STAT3: variants seen among roughly 807,000 people sequenced by gnomAD.
STAT3 encodes DNA-binding protein APRF.
In STAT3, 7 loss-of-function variants were observed where a neutral mutation model predicts 114.3. The ratio of observed to expected loss-of-function variants is 0.06; its 90% confidence interval spans 0.03 to 0.11. The LOEUF is 0.11. Ranked by LOEUF, STAT3 falls within the 10% of genes least tolerant of loss-of-function variation. STAT3 has a pLI of 1.00. For missense variants in STAT3, 364 were observed against 960.9 expected (o/e 0.38, Z 8.21); for synonymous variants, 331 against 354.5 (o/e 0.93, Z 0.74).
At position 42,344,988 on chromosome 17, in the gene STAT3, G is replaced by A. The variant is rs576116020; in HGVS notation, c.372+571C>T. On this transcript the variant is annotated intron_variant, in intron 4 of 23. Transcript: ENST00000264657. Reference sequence around the variant, plus strand: ...CTATGAAAGTTTGTCAGAACAGGCCGGGCACAGTGGCTCACGCCTGTAATC... The same window carrying A: ...CTATGAAAGTTTGTCAGAACAGGCCAGGCACAGTGGCTCACGCCTGTAATC... Among the ~76,000 whole-genome samples, 23 of 151,936 alleles carry A rather than the reference G, an allele frequency of 1.5e-4. 1 individual carries two copies. The highest frequency in any genetic ancestry group is 2.1e-4 in the South Asian group (1 of 4,798).
At chr17:42,353,735 G>T (rs531948519) in intron 1 of STAT3, among the ~76,000 whole-genome samples, 34 of 152,240 alleles carry the variant, frequency 2.2e-4, no homozygotes, top group South Asian at 4.1e-4. Flanking sequence ...ACAATGTTCA[G>T]CTAATTTTTT....
chr17:42,370,246 C>A lies in STAT3; in HGVS notation c.-24+18033G>T, dbSNP rs1399735856. On this transcript the variant is annotated intron_variant, in intron 1 of 23. Coordinates refer to ENST00000264657, the MANE Select transcript of STAT3 (RefSeq NM_139276.3). ...GGATTATAGGCATGAGCCACCACAC[C>A]CAGCCTTTTTTTTTTTTGAGACAGA... Among the ~76,000 whole-genome samples, 5 of 150,490 alleles carry A rather than the reference C, an allele frequency of 3.3e-5. No individual in the cohort carries two copies. The East Asian group carries it at 9.8e-4, about 29-fold the overall frequency.
chr17:42,340,500 C>T (rs2082399776), intron 4 of STAT3, among the ~76,000 whole-genome samples: 1 of 150,234 alleles, frequency 6.7e-6, no homozygotes. Context: ...GAGACCTCAT[C>T]TCAACCAAAA....
chr17:42,327,600 G>T (rs2081786417), intron 14 of STAT3, among the ~76,000 whole-genome samples: 1 of 152,162 alleles, frequency 6.6e-6, no homozygotes, highest in African/African-American at 2.4e-5. Context: ...TATATGCAAA[G>T]ATTTCTCTGC....
rs2081209468 is a variant in STAT3 at position 42,315,387 on chromosome 17, C to CT, written c.*357dup. On this transcript the variant is annotated 3_prime_UTR_variant, in exon 24 of 24. Coordinates refer to ENST00000264657, the MANE Select transcript of STAT3 (RefSeq NM_139276.3). ...GCCGCAGGCACCAGGAGGCACTTGTCTAAGAACAACAACAACAATAACAAA... is the reference window on the plus strand; with the variant it reads ...GCCGCAGGCACCAGGAGGCACTTGTCTTAAGAACAACAACAACAATAACAAA... 2.2e-6 allele frequency: 1 copy of CT among 453,480 alleles called. No individual in the cohort carries two copies. The highest frequency in any genetic ancestry group is 2.0e-5 in the African/African-American group (1 of 51,212). 28.1% of individuals were successfully genotyped at this position (453,480 alleles called of 1,614,324 possible).
chr17:42,365,963 T>A (rs983454170), intron 1 of STAT3, among the ~76,000 whole-genome samples: 8 of 152,132 alleles, frequency 5.3e-5, no homozygotes, highest in Admixed American at 5.2e-4. Flanking sequence ...CTGTTAAAGC[T>A]ATTTTAATAG....
At chr17:42,376,678 C>A (rs955564292) in intron 1 of STAT3, among the ~76,000 whole-genome samples, 1 of 151,462 alleles carries the variant, frequency 6.6e-6, no homozygotes, top group Middle Eastern at 3.2e-3. Context: ...AACCCCGACT[C>A]TACTAAAAAT....
intron 21 of STAT3, among the ~76,000 whole-genome samples, chr17:42,320,334 G>A (rs2081418966): frequency 6.6e-6 from 1 of 152,148 alleles, no homozygotes; most frequent in Non-Finnish European, 1.5e-5. Context: ...GGAAAAAGTG[G>A]GAGGGAAGTT....
intron 14 of STAT3, among the ~76,000 whole-genome samples, chr17:42,328,264 C>T (rs1291872046): frequency 6.6e-6 from 1 of 152,030 alleles, no homozygotes; most frequent in Non-Finnish European, 1.5e-5. Flanking sequence ...TTTTAAAACA[C>T]ATATACTAAT....
chr17:42,338,750 T>C lies in STAT3; in HGVS notation c.531A>G (p.Lys177=). ...ACTTGCCTCCTTGACTCTTGAGGGT[T>C]TTATAGTTGAAATCAAAGTCATCCT... is the stretch of plus-strand genomic sequence containing the variant. ...NLQDDFDFNY[K]TLKSQGDMQD... The change falls in exon 6 of 24, where the codon AAA becomes AAG. Residue 177 remains lysine, a synonymous_variant. Coordinates refer to ENST00000264657, the MANE Select transcript of STAT3 (RefSeq NM_139276.3). The C allele has an allele frequency of 6.2e-7, 1 of 1,613,824 alleles. No individual in the cohort carries two copies. Among genetic ancestry groups the C allele is most frequent in the Non-Finnish European group, 8.5e-7 (1 of 1,179,800 alleles).
At chr17:42,357,218 C>G (rs2083270644) in intron 1 of STAT3, among the ~76,000 whole-genome samples, 1 of 152,206 alleles carries the variant, frequency 6.6e-6, no homozygotes, top group East Asian at 1.9e-4. Flanking sequence ...TTTATTTGTT[C>G]TCACCATACC....
rs151079319 is a variant in STAT3, at chr17:42,319,523, T to C, written c.2102-2299A>G. On this transcript the variant is annotated intron_variant, in intron 21 of 23. Transcript: ENST00000264657. ...CGCCACTGCACTCCAGTCTGGACGA[T>C]AGAGCGAGACTCAGGCTCAAAAAAA... Among the ~76,000 whole-genome samples, 470 of 114,298 alleles carry C rather than the reference T, an allele frequency of 4.1e-3. 10 individuals carry two copies. In the East Asian group the frequency reaches 0.095, roughly 23 times the overall value. 75.0% of individuals were successfully genotyped at this position (114,298 alleles called of 152,430 possible). A position where few individuals can be genotyped will look rare whatever the true frequency, so the allele number is the denominator to read the frequency against.
At chr17:42,376,160 A>AG (rs969735986) in intron 1 of STAT3, among the ~76,000 whole-genome samples, 1 of 151,372 alleles carries the variant, frequency 6.6e-6, no homozygotes, top group African/African-American at 2.4e-5. Flanking sequence ...CAAAAAAAAA[A>AG]AGAGAAAGAA....
chr17:42,345,752 A>G, intron 3 of STAT3, 95 bp from the exon 4 acceptor site: 1 of 1,182,578 alleles, frequency 8.5e-7, no homozygotes, highest in South Asian at 1.3e-5. Flanking sequence ...TTCATCAAGG[A>G]AAGCATTTAT....
chr17:42,359,327 A>T (rs550792153), intron 1 of STAT3, among the ~76,000 whole-genome samples: 11 of 152,144 alleles, frequency 7.2e-5, no homozygotes. Context: ...ATAATCACTA[A>T]TCAGCTTTCC....
At chr17:42,325,479 G>A (rs969504494) in intron 15 of STAT3, among the ~76,000 whole-genome samples, 1 of 152,138 alleles carries the variant, frequency 6.6e-6, no homozygotes, top group Non-Finnish European at 1.5e-5. Context: ...GTTGGGAAAG[G>A]AGAATGTCAT....
chr17:42,382,888 C>T (rs1057280548), intron 1 of STAT3, among the ~76,000 whole-genome samples: 1 of 151,948 alleles, frequency 6.6e-6, no homozygotes, highest in Non-Finnish European at 1.5e-5. Context: ...CCTCGTGATC[C>T]GCCCACAGCC....
At chr17:42,350,973 A>G (rs1173708729) in intron 1 of STAT3, among the ~76,000 whole-genome samples, 1 of 152,082 alleles carries the variant, frequency 6.6e-6, no homozygotes, top group Non-Finnish European at 1.5e-5. Flanking sequence ...TCTACTAAAA[A>G]TACAAAAATT....
At chr17:42,319,202 C>T (rs1393397716) in intron 21 of STAT3, among the ~76,000 whole-genome samples, 1 of 151,844 alleles carries the variant, frequency 6.6e-6, no homozygotes, top group Non-Finnish European at 1.5e-5. Context: ...CGCACCACTG[C>T]ACTCCAGCCT....
Sources: gnomAD v4.1 joint callset for allele counts (sites outside exome capture counted in the v4.1 genomes callset) on GRCh38, gnomAD v4.1.1 for gene constraint, MANE v1.5 for transcripts, NCBI Gene and HGNC (gene_info 2026-07-23, HGNC 2026-07-21) for gene names.